KIAA1217: variants seen among roughly 807,000 people sequenced by gnomAD.
The protein encoded by KIAA1217 is KIAA1217, also known as sickle tail protein homolog.
A neutral mutation model predicts 163.9 loss-of-function variants in KIAA1217; 88 were observed. The ratio of observed to expected loss-of-function variants is 0.54; its 90% CI spans 0.45 to 0.64. KIAA1217 has a LOEUF of 0.64. Among genes scored for constraint, KIAA1217 ranks in the 30% least tolerant of loss-of-function variants. KIAA1217 has a pLI of 0.00. For synonymous variants in KIAA1217, 903 were observed against 923.1 expected (o/e 0.98, Z 0.39); for missense variants, 2,372 against 2,475.0 (o/e 0.96, Z 0.88).
rs1160648324 is a variant in KIAA1217, at chr10:23,790,313, A to ACATATG, written c.-321+95082_-321+95087dup. On this transcript the variant is annotated intron_variant, in intron 1 of 18. Transcript: ENST00000376462. ...TATGCATATGCACATATGCATATAT[A>ACATATG]CATATGCACATATGCATATATGCAT... Among the ~76,000 whole-genome samples, 185 of 95,878 alleles carry ACATATG rather than the reference A, an allele frequency of 1.9e-3. 54 individuals are homozygous for ACATATG. The highest frequency in any genetic ancestry group is 2.8e-3 in the South Asian group (10 of 3,520). 62.9% of individuals were successfully genotyped at this position (95,878 alleles called of 152,430 possible).
chr10:23,824,644 AAAAAAAT>A (rs1479077540), intron 1 of KIAA1217, among the ~76,000 whole-genome samples: 72 of 94,280 alleles, frequency 7.6e-4, no homozygotes, highest in African/African-American at 1.1e-3. Context: ...AAAAAAAAAA[AAAAAAAT>A]AAAAAAAATA....
At chr10:23,810,767 C>T (rs1396736143) in intron 1 of KIAA1217, among the ~76,000 whole-genome samples, 5 of 123,718 alleles carry the variant, frequency 4.0e-5, no homozygotes, top group Non-Finnish European at 7.9e-5. Context: ...TATTATATAA[C>T]TATATATACT....
chr10:24,428,536 G>A (rs1485420077), intron 3 of KIAA1217, among the ~76,000 whole-genome samples: 1 of 152,132 alleles, frequency 6.6e-6, no homozygotes, highest in Admixed American at 6.5e-5. Context: ...AACCAAGGGC[G>A]AGGTTACTAG....
At chr10:23,842,613 C>G (rs1290342458) in intron 1 of KIAA1217, among the ~76,000 whole-genome samples, 1 of 152,154 alleles carries the variant, frequency 6.6e-6, no homozygotes, top group Non-Finnish European at 1.5e-5. Context: ...TACTTCAAAA[C>G]TCATGTTCTT....
intron 2 of KIAA1217, among the ~76,000 whole-genome samples, chr10:24,193,235 T>C (rs776485984): frequency 7.9e-5 from 12 of 152,310 alleles, no homozygotes; most frequent in Non-Finnish European, 1.2e-4. Context: ...TAAGCTTACA[T>C]TATTAATGGC....
chr10:23,862,332 T>G (rs564929546), intron 1 of KIAA1217, among the ~76,000 whole-genome samples: 1 of 152,300 alleles, frequency 6.6e-6, no homozygotes, highest in East Asian at 1.9e-4. Context: ...TGTGCATTTC[T>G]AAGTTAAATT....
At chr10:23,882,750 C>G (rs935882156) in intron 1 of KIAA1217, among the ~76,000 whole-genome samples, 10 of 151,892 alleles carry the variant, frequency 6.6e-5, no homozygotes, top group African/African-American at 2.2e-4. Context: ...AGGAATGTCT[C>G]CTGCTTTACC....
At chr10:24,166,774 T>A (rs2065367252) in intron 2 of KIAA1217, among the ~76,000 whole-genome samples, 1 of 152,168 alleles carries the variant, frequency 6.6e-6, no homozygotes, top group African/African-American at 2.4e-5. Context: ...ATAATTCAGA[T>A]GTTCCTAGCA....
Position 23,836,771 on chromosome 10 carries a change from A to AT in KIAA1217, c.-321+141537_-321+141538insT, listed in dbSNP as rs1453420541. 8.0e-5 allele frequency among the ~76,000 whole-genome samples: 12 copies of AT among 150,642 alleles called. No homozygotes were observed. The South Asian group carries it at 8.4e-4, about 11-fold the overall frequency. ...GAGACCCCCGTCTCCACAAAAAATA[A>AT]AAAAAAAAATTAGCCGTGTATGGTA... On this transcript the variant is annotated intron_variant, in intron 1 of 18. Coordinates refer to the KIAA1217 transcript ENST00000376462.
At chr10:24,359,572 T>C (rs1368327487) in intron 2 of KIAA1217, among the ~76,000 whole-genome samples, 2 of 152,240 alleles carry the variant, frequency 1.3e-5, no homozygotes, top group Non-Finnish European at 2.9e-5. Flanking sequence ...CCTAAGGTAA[T>C]ATGCCCAAAG....
chr10:23,905,012 G>A (rs1374582289), intron 1 of KIAA1217, among the ~76,000 whole-genome samples: 1 of 107,984 alleles, frequency 9.3e-6, no homozygotes, highest in Non-Finnish European at 2.0e-5. Context: ...GAGTGTGTTT[G>A]TTTTTAGAAG....
rs1360964473 is a variant in KIAA1217, at chr10:24,052,510, T to C, written c.-171+45136T>C. ...TTAAGAGATTATATAGAATCACAAATTATAGTTTTAGCCAACTCCAGTAGA... is the reference window on the plus strand; with the variant it reads ...TTAAGAGATTATATAGAATCACAAACTATAGTTTTAGCCAACTCCAGTAGA... On this transcript the variant is annotated intron_variant, in intron 2 of 18. Transcript: ENST00000376462. 2.0e-5 allele frequency among the ~76,000 whole-genome samples: 3 copies of C among 152,268 alleles called. No homozygotes were observed. In the East Asian group the frequency reaches 5.8e-4, roughly 29 times the overall value.
chr10:24,500,820 C>T (rs1205018286), intron 8 of KIAA1217, among the ~76,000 whole-genome samples: 10 of 152,114 alleles, frequency 6.6e-5, no homozygotes, highest in Non-Finnish European at 1.0e-4. Context: ...CGGTGGTTCA[C>T]GCCTGTAATC....
chr10:24,223,498 C>G (rs2069959366), intron 2 of KIAA1217, among the ~76,000 whole-genome samples: 1 of 152,132 alleles, frequency 6.6e-6, no homozygotes, highest in African/African-American at 2.4e-5. Flanking sequence ...GATTACACAG[C>G]CAGCTGTGAG....
In KIAA1217 at chr10:24,196,300, A is replaced by T. The variant is rs538631661; in HGVS notation, c.-170-23326A>T. On this transcript the variant is annotated intron_variant, in intron 2 of 18. Coordinates refer to the KIAA1217 transcript ENST00000376462. ...CAGTGTCTCTGGTCACAGTGCCTGG[A>T]AGGAGCACATTGGGGCCTCACAGCT... 2.0e-5 allele frequency among the ~76,000 whole-genome samples: 3 copies of T among 152,358 alleles called. No individual in the cohort carries two copies. In the South Asian group the frequency reaches 6.2e-4, roughly 32 times the overall value.
At chr10:24,212,819 C>T (rs1464694162) in intron 1 of KIAA1217, among the ~76,000 whole-genome samples, 1 of 152,196 alleles carries the variant, frequency 6.6e-6, no homozygotes, top group East Asian at 1.9e-4. Context: ...TTCACGTTTG[C>T]ATTTCCAGCA....
intron 1 of KIAA1217, among the ~76,000 whole-genome samples, chr10:23,722,455 A>G (rs903863382): frequency 1.3e-5 from 2 of 152,204 alleles, no homozygotes; most frequent in African/African-American, 4.8e-5. Flanking sequence ...TAAGTCTATC[A>G]TCAGCTCTTT....
At chr10:24,244,561 C>CTTTTTTTTTTTT (rs11318420) in intron 2 of KIAA1217, among the ~76,000 whole-genome samples, 9 of 85,254 alleles carry the variant, frequency 1.1e-4, no homozygotes, top group Middle Eastern at 5.9e-3. Context: ...TTCTTTCTTT[C>CTTTTTTTTTTTT]TTTTTTTTTT....
At chr10:24,468,587 T>A (rs1348602332) in intron 5 of KIAA1217, among the ~76,000 whole-genome samples, 4 of 152,178 alleles carry the variant, frequency 2.6e-5, no homozygotes, top group Admixed American at 1.3e-4. Flanking sequence ...ATGGTGACTC[T>A]TTCGGTGACC....
Sources: gnomAD v4.1 joint callset for allele counts (sites outside exome capture counted in the v4.1 genomes callset) on GRCh38, gnomAD v4.1.1 for gene constraint, MANE v1.5 for transcripts, NCBI Gene and HGNC (gene_info 2026-07-23, HGNC 2026-07-21) for gene names.